The following DOCK1 variants were observed in gnomAD, a reference collection of about 807,000 sequenced individuals.
DOCK1 encodes the protein dedicator of cytokinesis 1.
DOCK1 carries 138 observed loss-of-function variants against 262.7 expected under a neutral mutation model. The observed-to-expected ratio is 0.53, with a 90% CI of 0.46 to 0.61. The LOEUF is 0.61. DOCK1 is among the 20% of genes least tolerant of loss of function. The probability of loss-of-function intolerance (pLI) is 0.00; values close to 1 mark genes in which losing one functional copy is unlikely to be tolerated. For missense variants in DOCK1, 1,908 were observed against 2,370.7 expected (o/e 0.80, Z 4.05); for synonymous variants, 866 against 867.4 (o/e 1.00, Z 0.03).
intron 4 of DOCK1, among the ~76,000 whole-genome samples, chr10:126,983,364 C>T (rs546616696): frequency 6.6e-6 from 1 of 152,224 alleles, no homozygotes; most frequent in East Asian, 1.9e-4. Flanking sequence ...CTTCCACCTT[C>T]CCTTCTTCTC....
intron 27 of DOCK1, among the ~76,000 whole-genome samples, chr10:127,222,030 ATAT>A (rs113974290): frequency 0.19 from 29,270 of 152,034 alleles, 3,345 homozygotes; most frequent in African/African-American, 0.32. Flanking sequence ...TAACAAAGTA[ATAT>A]TATGGCAGGG....
chr10:127,186,435 A>T, intron 27 of DOCK1, among the ~76,000 whole-genome samples: 1 of 149,050 alleles, frequency 6.7e-6, no homozygotes, highest in Non-Finnish European at 1.5e-5. Context: ...GCTCTCCTTA[A>T]CACATCCGAT....
At chr10:127,064,545 T>C (rs12016667) in intron 23 of DOCK1, among the ~76,000 whole-genome samples, 4,446 of 152,286 alleles carry the variant, frequency 0.029, 217 homozygotes, top group African/African-American at 0.1. Context: ...GGGCCAGTTT[T>C]TATGTTAAGT....
chr10:127,154,849 T>C (rs1441209254), intron 27 of DOCK1, among the ~76,000 whole-genome samples: 2 of 152,288 alleles, frequency 1.3e-5, no homozygotes, highest in African/African-American at 4.8e-5. Context: ...ATGATGAGAA[T>C]TTTCTGGACC....
chr10:127,368,854 C>T (rs906254772), intron 33 of DOCK1, among the ~76,000 whole-genome samples: 6 of 152,118 alleles, frequency 3.9e-5, no homozygotes, highest in Non-Finnish European at 5.9e-5. Context: ...CCATTTGTTA[C>T]GCCTTTGGAA....
intron 27 of DOCK1, among the ~76,000 whole-genome samples, chr10:127,243,863 T>G (rs2134728580): frequency 6.6e-6 from 1 of 152,320 alleles, no homozygotes; most frequent in Non-Finnish European, 1.5e-5. Flanking sequence ...TACTTTCTCT[T>G]TATAAAAACA....
At chr10:127,251,232 G>A (rs1210340342) in intron 28 of DOCK1, among the ~76,000 whole-genome samples, 2 of 151,862 alleles carry the variant, frequency 1.3e-5, no homozygotes, top group Non-Finnish European at 2.9e-5. Flanking sequence ...CTCCCAAATG[G>A]CCTCCCAAAG....
chr10:126,987,892 G>C (rs2039523204), intron 5 of DOCK1, among the ~76,000 whole-genome samples: 1 of 152,164 alleles, frequency 6.6e-6, no homozygotes, highest in African/African-American at 2.4e-5. Context: ...ATTGGAAGGA[G>C]AAATGTGGTT....
At chr10:127,076,451 A>C (rs1312708390) in intron 23 of DOCK1, among the ~76,000 whole-genome samples, 1 of 152,228 alleles carries the variant, frequency 6.6e-6, no homozygotes, top group East Asian at 1.9e-4. Flanking sequence ...CAGTGAGCCA[A>C]GATCACGCCA....
At chr10:127,138,844 G>C (rs974260908) in intron 27 of DOCK1, among the ~76,000 whole-genome samples, 1 of 152,212 alleles carries the variant, frequency 6.6e-6, no homozygotes, top group African/African-American at 2.4e-5. Flanking sequence ...GAAAATTGCT[G>C]TCAACTTGTC....
intron 23 of DOCK1, among the ~76,000 whole-genome samples, chr10:127,098,230 A>G (rs892162002): frequency 6.6e-6 from 1 of 152,238 alleles, no homozygotes; most frequent in Admixed American, 6.5e-5. Flanking sequence ...AAGGCAAACA[A>G]AAACAGGAAA....
At chr10:127,169,500 T>C (rs1041993808) in intron 27 of DOCK1, among the ~76,000 whole-genome samples, 6 of 152,222 alleles carry the variant, frequency 3.9e-5, no homozygotes, top group Admixed American at 3.9e-4. Context: ...GTCACTGTAT[T>C]TACAAACCAT....
intron 14 of DOCK1, among the ~76,000 whole-genome samples, chr10:127,024,068 T>C (rs2042646438): frequency 6.6e-6 from 1 of 152,218 alleles, no homozygotes; most frequent in African/African-American, 2.4e-5. Context: ...CCTCCTCTGA[T>C]GACCAGAGGT....
intron 42 of DOCK1, among the ~76,000 whole-genome samples, chr10:127,410,296 C>T (rs2067767409): frequency 6.6e-6 from 1 of 152,128 alleles, no homozygotes; most frequent in Admixed American, 6.5e-5. Context: ...TTCTCAGATG[C>T]AGTAGTTTCT....
chr10:127,094,938 G>A (rs1401637090), intron 23 of DOCK1, among the ~76,000 whole-genome samples: 1 of 152,154 alleles, frequency 6.6e-6, no homozygotes, highest in Non-Finnish European at 1.5e-5. Context: ...TCACCAATTT[G>A]GGGGCTATGG....
chr10:127,080,987 T>C (rs986666143), intron 23 of DOCK1, among the ~76,000 whole-genome samples: 8 of 152,298 alleles, frequency 5.3e-5, no homozygotes, highest in South Asian at 2.1e-4. Context: ...GAGGTTTTGC[T>C]TTCTCTATGA....
At chr10:127,159,523 A>G (rs913281982) in intron 27 of DOCK1, among the ~76,000 whole-genome samples, 3 of 152,190 alleles carry the variant, frequency 2.0e-5, no homozygotes, top group Admixed American at 2.0e-4. Flanking sequence ...ACACACATAC[A>G]TACCTTTGTA....
At chr10:127,417,704 T>C (rs750006030) in intron 44 of DOCK1, among the ~76,000 whole-genome samples, 3 of 152,082 alleles carry the variant, frequency 2.0e-5, no homozygotes, top group Non-Finnish European at 4.4e-5. Context: ...GCCTCCCGAG[T>C]AGCTGGGATT....
At chr10:127,396,027 G>T (rs1218204740) in intron 38 of DOCK1, among the ~76,000 whole-genome samples, 1 of 151,696 alleles carries the variant, frequency 6.6e-6, no homozygotes, top group Admixed American at 6.6e-5. Flanking sequence ...TCAAGGAAAG[G>T]GAGAAATGAG....
Sources: gnomAD v4.1 joint callset for allele counts (sites outside exome capture counted in the v4.1 genomes callset) on GRCh38, gnomAD v4.1.1 for gene constraint, MANE v1.5 for transcripts, NCBI Gene and HGNC (gene_info 2026-07-23, HGNC 2026-07-21) for gene names.